The following CCDC69 variants were observed in gnomAD, a reference collection of about 807,000 sequenced individuals.
CCDC69 encodes the protein coiled-coil domain containing 69.
Under a neutral mutation model 40.3 loss-of-function variants are expected in CCDC69, and 38 were observed. The observed-to-expected ratio is 0.94, with a 90% CI of 0.73 to 1.24. CCDC69 has a LOEUF of 1.24. Among genes scored for constraint, CCDC69 ranks in the 50% most tolerant of loss-of-function variants. The probability of loss-of-function intolerance (pLI) is 0.00; values close to 1 mark genes in which losing one functional copy is unlikely to be tolerated. For missense variants in CCDC69, 389 were observed against 357.9 expected, an observed-to-expected ratio of 1.09 and a Z score of -0.70; for synonymous variants, 141 against 138.9, an observed-to-expected ratio of 1.02 and a Z score of -0.11.
intron 1 of CCDC69, among the ~76,000 whole-genome samples, chr5:151,216,406 ATTTTTTTTTTTT>A (rs1262419326): frequency 3.0e-4 from 35 of 116,314 alleles, no homozygotes; most frequent in African/African-American, 7.6e-4. Flanking sequence ...AATTATTAGG[ATTTTTTTTTTTT>A]TTTTTTTTTT....
intron 4 of CCDC69, among the ~76,000 whole-genome samples, chr5:151,190,388 G>A (rs537555658): frequency 1.1e-4 from 17 of 152,214 alleles, no homozygotes; most frequent in East Asian, 1.9e-4. Context: ...ATTTCAGGCC[G>A]GGCGTGGTGG....
In CCDC69 at chr5:151,184,366, G is replaced by A. The variant is rs549435759; in HGVS notation, c.691C>T (p.Arg231Cys). ...TACCTTGACAGGACCACCTGGTTGC[G>A]GCTTCGGACATGGAGGTCCTCATTT... ...QENEDLHVRS[R>C]NQVVLSRQLS... The change falls in exon 8 of 9, where the codon CGC (arginine) becomes TGC (cysteine). Residue 231 changes from arginine (R) to cysteine (C), a missense_variant. By Grantham distance (180) the Arg-to-Cys change is radical. Transcript: ENST00000355417. The A allele has an allele frequency of 1.5e-5, 25 of 1,613,944 alleles. No homozygotes were observed. The highest frequency in any genetic ancestry group is 2.7e-5 in the African/African-American group (2 of 75,024).
At chr5:151,208,325 T>C (rs1752882282) in intron 1 of CCDC69, among the ~76,000 whole-genome samples, 1 of 152,216 alleles carries the variant, frequency 6.6e-6, no homozygotes, top group Admixed American at 6.5e-5. Context: ...TTATTAAAAA[T>C]GTCCTAAACT....
At chr5:151,205,601 C>CGCCTGCGCATT in intron 1 of CCDC69, 126 bp from the exon 2 acceptor site, 2 of 766,712 alleles carry the variant, frequency 2.6e-6, no homozygotes, top group East Asian at 5.1e-5. Context: ...CCCTGCCCCA[C>CGCCTGCGCATT]GCCTGCGCAT....
intron 4 of CCDC69, among the ~76,000 whole-genome samples, chr5:151,192,673 C>A (rs1164418089): frequency 1.3e-5 from 2 of 152,170 alleles, no homozygotes; most frequent in Non-Finnish European, 2.9e-5. Flanking sequence ...ATGGGGCAAG[C>A]TTTATCCTGA....
intron 4 of CCDC69, among the ~76,000 whole-genome samples, chr5:151,190,918 A>G (rs990116361): frequency 5.3e-5 from 8 of 152,042 alleles, no homozygotes; most frequent in Non-Finnish European, 1.0e-4. Flanking sequence ...CATCAACATT[A>G]TCAATAACAA....
chr5:151,201,750 A>G, intron 2 of CCDC69, 62 bp from the exon 3 acceptor site: 1 of 1,074,556 alleles, frequency 9.3e-7, no homozygotes, highest in Non-Finnish European at 1.4e-6. Flanking sequence ...GTACAGTCAG[A>G]GCTGGCAGAG....
rs750659856 is a variant in CCDC69, at chr5:151,205,497, C to A, written c.49-22G>T. 9 of 1,611,052 alleles carry A rather than the reference C, an allele frequency of 5.6e-6. No individual in the cohort carries two copies. The South Asian group carries it at 9.9e-5, about 18-fold the overall frequency. On this transcript the variant is annotated intron_variant, in intron 1 of 8. Coordinates refer to ENST00000355417, the MANE Select transcript of CCDC69 (RefSeq NM_015621.3). ...GCTTCTGGAAGAAATGAGACAACAG[C>A]AAGGCGTGGGTAGAGGGTGGGAGGT... is the stretch of plus-strand genomic sequence containing the variant.
intron 3 of CCDC69, among the ~76,000 whole-genome samples, chr5:151,200,633 T>C (rs575435093): frequency 1.3e-5 from 2 of 152,296 alleles, no homozygotes; most frequent in African/African-American, 4.8e-5. Flanking sequence ...CAAGTTAGAA[T>C]GAGGAAAAGG....
chr5:151,220,615 C>A (rs1286381028), intron 1 of CCDC69, among the ~76,000 whole-genome samples: 2 of 152,186 alleles, frequency 1.3e-5, no homozygotes, highest in Admixed American at 6.5e-5. Context: ...CCACCAAGTA[C>A]CTGTCACCTG....
At chr5:151,199,136 C>T (rs770546055) in intron 3 of CCDC69, 52 bp from the exon 4 acceptor site, 102 of 1,438,144 alleles carry the variant, frequency 7.1e-5, no homozygotes, top group Non-Finnish European at 5.4e-5. Flanking sequence ...ATCAGCACAG[C>T]ATCTCTTATC....
At chr5:151,216,491 G>A (rs926579540) in intron 1 of CCDC69, among the ~76,000 whole-genome samples, 6 of 140,620 alleles carry the variant, frequency 4.3e-5, no homozygotes, top group South Asian at 2.2e-4. Context: ...ATCTCGGCTC[G>A]CTGCAGCCTC....
intron 1 of CCDC69, 48 bp downstream of exon 1, chr5:151,223,875 G>A (rs763954773): frequency 3.2e-6 from 5 of 1,568,592 alleles, no homozygotes; most frequent in East Asian, 2.5e-5. Flanking sequence ...GAGCGATTCC[G>A]CACTCCCCTC....
rs754611390 is a variant in CCDC69, at chr5:151,198,312, ATC to A, written c.319+683_319+684del. Among the ~76,000 whole-genome samples, 780 of 146,010 alleles carry A rather than the reference ATC, an allele frequency of 5.3e-3. 3 individuals are homozygous for A. Among genetic ancestry groups the A allele is most frequent in the South Asian group, 6.6e-3 (31 of 4,720 alleles). On this transcript the variant is annotated intron_variant, in intron 4 of 8. Coordinates refer to ENST00000355417, the MANE Select transcript of CCDC69 (RefSeq NM_015621.3). ...GATTGATCTATCTATCTATCTATCT[ATC>A]TATCTATCTATCTATCTATCTATCT...
In CCDC69 at chr5:151,223,992, C is replaced by A. The variant is rs1447537758; in HGVS notation, c.-22G>T. ...CCATCCTCCTCCGGGGGCTCCCGGA[C>A]GCCGCTTCCCAACTCCGGGGCCCCC... On this transcript the variant is annotated 5_prime_UTR_variant, in exon 1 of 9. Coordinates refer to ENST00000355417, the MANE Select transcript of CCDC69 (RefSeq NM_015621.3). 1 of 1,546,592 alleles carries A rather than the reference C, an allele frequency of 6.5e-7. No homozygotes were observed. Among genetic ancestry groups the A allele is most frequent in the Non-Finnish European group, 8.7e-7 (1 of 1,153,134 alleles).
intron 4 of CCDC69, among the ~76,000 whole-genome samples, chr5:151,194,808 C>T (rs1431370492): frequency 6.8e-6 from 1 of 148,072 alleles, no homozygotes; most frequent in East Asian, 2.0e-4. Flanking sequence ...CAAAGAATTG[C>T]TTGAACCCGG....
intron 1 of CCDC69, among the ~76,000 whole-genome samples, chr5:151,214,185 C>G (rs560376485): frequency 1.3e-4 from 20 of 152,326 alleles, no homozygotes; most frequent in Non-Finnish European, 2.1e-4. Flanking sequence ...AGAGGTGATT[C>G]TAAGTCTCAA....
At position 151,181,219 on chromosome 5, in the gene CCDC69, T is replaced by C. The variant is rs892279560; in HGVS notation, c.*2218A>G. 5.3e-5 allele frequency: 8 copies of C among 152,214 alleles called. No homozygotes were observed. The highest frequency in any genetic ancestry group is 1.7e-4 in the African/African-American group (7 of 41,432). The allele number at this position is 152,214 out of a possible 1,614,324, so 9.4% of individuals were successfully genotyped here. ...CTCAATTAAAACAATGCTTTCTTTT[T>C]TCTTTTCTTTTTTTTGAGACGGAGT... On this transcript the variant is annotated 3_prime_UTR_variant, in exon 9 of 9. Coordinates refer to ENST00000355417, the MANE Select transcript of CCDC69 (RefSeq NM_015621.3).
Position 151,212,938 on chromosome 5 carries a change from C to G in CCDC69, c.49-7463G>C, listed in dbSNP as rs181767651. The G allele has an allele frequency of 1.2e-3, 565 of 455,144 alleles. 4 individuals carry two copies. Among genetic ancestry groups the G allele is most frequent in the Admixed American group, 4.2e-3 (179 of 42,534 alleles). The allele number at this position is 455,144 out of a possible 1,614,324, so 28.2% of individuals were successfully genotyped here. ...GGGAATCGTGGTGGAAGTGAGCGCT[C>G]CATCATTAGTAGCATGCAAGAAGAG... On this transcript the variant is annotated intron_variant, in intron 1 of 8. Transcript: ENST00000355417.
Sources: gnomAD v4.1 joint callset for allele counts (sites outside exome capture counted in the v4.1 genomes callset) on GRCh38, gnomAD v4.1.1 for gene constraint, MANE v1.5 for transcripts, NCBI Gene and HGNC (gene_info 2026-07-23, HGNC 2026-07-21) for gene names.